The following SLC44A5 variants were observed in gnomAD, a reference collection of about 807,000 sequenced individuals.
SLC44A5 encodes the protein choline transporter-like protein 5.
SLC44A5 carries 57 observed loss-of-function variants against 101.8 expected under a neutral mutation model. The observed-to-expected ratio is 0.56, with a 90% CI of 0.45 to 0.70. The LOEUF (loss-of-function observed/expected upper bound fraction) is 0.70, where lower values mean the gene tolerates loss of function less well. Ranked by LOEUF, SLC44A5 falls within the 30% of genes least tolerant of loss-of-function variation. The pLI, the probability that SLC44A5 is intolerant of heterozygous loss-of-function variation, is 0.00. For synonymous variants in SLC44A5, 281 were observed against 290.9 expected (o/e 0.97, Z 0.35); for missense variants, 737 against 853.1 (o/e 0.86, Z 1.70).
chr1:75,207,159 G>A (rs1202021589), intron 23 of SLC44A5, among the ~76,000 whole-genome samples: 4 of 152,114 alleles, frequency 2.6e-5, no homozygotes, highest in South Asian at 2.1e-4. Context: ...TCCATACTCC[G>A]ATGTTACAGA....
intron 6 of SLC44A5, among the ~76,000 whole-genome samples, chr1:75,259,502 C>A (rs575485202): frequency 1.5e-4 from 23 of 152,194 alleles, no homozygotes; most frequent in South Asian, 6.2e-4. Flanking sequence ...GAGAAATGAA[C>A]AAAGCCTCCA....
intron 12 of SLC44A5, among the ~76,000 whole-genome samples, chr1:75,229,085 C>A (rs1316899916): frequency 6.6e-6 from 1 of 151,742 alleles, no homozygotes; most frequent in Non-Finnish European, 1.5e-5. Flanking sequence ...GAATCATTCT[C>A]CTTCTTCTGT....
chr1:75,267,469 G>A (rs1342590573), intron 6 of SLC44A5, among the ~76,000 whole-genome samples: 1 of 151,988 alleles, frequency 6.6e-6, no homozygotes, highest in Non-Finnish European at 1.5e-5. Flanking sequence ...AACTTGCAAT[G>A]CACATAAACA....
intron 3 of SLC44A5, among the ~76,000 whole-genome samples, chr1:75,358,868 C>T (rs1659275552): frequency 6.6e-6 from 1 of 152,046 alleles, no homozygotes; most frequent in African/African-American, 2.4e-5. Context: ...GAAATTTAAC[C>T]TATTTTGAGA....
the SLC44A5 span, among the ~76,000 whole-genome samples, chr1:75,722,986 G>A: frequency 2.0e-5 from 3 of 152,208 alleles, no homozygotes; most frequent in South Asian, 6.2e-4. Flanking sequence ...TTAGGCCATA[G>A]CCTGTTTTCT....
chr1:75,495,361 A>G (rs1053875942), intron 2 of SLC44A5, among the ~76,000 whole-genome samples: 1 of 152,048 alleles, frequency 6.6e-6, no homozygotes, highest in East Asian at 1.9e-4. Flanking sequence ...AGGCTGAGGC[A>G]GGAGAATGGC....
chr1:75,400,029 G>A (rs1662376834), intron 2 of SLC44A5, among the ~76,000 whole-genome samples: 1 of 152,194 alleles, frequency 6.6e-6, no homozygotes, highest in Admixed American at 6.5e-5. Flanking sequence ...CATGTCCATA[G>A]CAGCAACGTG....
chr1:75,551,101 T>C (rs910538692), intron 1 of SLC44A5, among the ~76,000 whole-genome samples: 1 of 152,140 alleles, frequency 6.6e-6, no homozygotes, highest in Non-Finnish European at 1.5e-5. Context: ...ATCTTTGTTT[T>C]AATTACTATA....
chr1:75,385,919 A>G (rs1661304833), intron 3 of SLC44A5, among the ~76,000 whole-genome samples: 1 of 152,140 alleles, frequency 6.6e-6, no homozygotes, highest in African/African-American at 2.4e-5. Context: ...CAAATCAATA[A>G]ATGTAATCCA....
rs1394737 is a variant in SLC44A5 at position 75,252,229 on chromosome 1, C to G, written c.261-935G>C. ...AAACCATATCTTAAGAAACACAGCT[C>G]TAAATATTCAGGAAGAATGTTTCTT... On this transcript the variant is annotated intron_variant, in intron 6 of 23. Transcript: ENST00000370859. Among the ~76,000 whole-genome samples, 5 of 152,292 alleles carry G rather than the reference C, an allele frequency of 3.3e-5. No homozygotes were observed. The East Asian group carries it at 7.7e-4, about 24-fold the overall frequency.
chr1:75,222,052 C>T (rs642145), intron 14 of SLC44A5, among the ~76,000 whole-genome samples: 63,441 of 150,798 alleles, frequency 0.42, 13,844 homozygotes, highest in African/African-American at 0.5. Context: ...CTCTGCCTTC[C>T]GGTTCAAGTG....
At chr1:75,606,318 A>G (rs1390203546) in intron 1 of SLC44A5, among the ~76,000 whole-genome samples, 1 of 152,052 alleles carries the variant, frequency 6.6e-6, no homozygotes, top group African/African-American at 2.4e-5. Flanking sequence ...AAAAGAAGAT[A>G]AAAGAGAAAC....
chr1:75,644,608 C>A, the SLC44A5 span, among the ~76,000 whole-genome samples: 1 of 150,066 alleles, frequency 6.7e-6, no homozygotes. Flanking sequence ...AAAAGCCTAA[C>A]AAATTTATTC....
the SLC44A5 span, among the ~76,000 whole-genome samples, chr1:75,643,771 T>C: frequency 0.26 from 39,828 of 152,278 alleles, 6,486 homozygotes; most frequent in East Asian, 0.68. Flanking sequence ...TCCATCATGA[T>C]TGTGAGGCCT....
chr1:75,271,652 C>CT (rs1390430211), intron 6 of SLC44A5, among the ~76,000 whole-genome samples: 1 of 151,966 alleles, frequency 6.6e-6, no homozygotes, highest in Non-Finnish European at 1.5e-5. Flanking sequence ...TATTTCATTC[C>CT]TTTTTATGGC....
chr1:75,652,151 C>T, the SLC44A5 span, among the ~76,000 whole-genome samples: 4 of 152,166 alleles, frequency 2.6e-5, no homozygotes, highest in Non-Finnish European at 5.9e-5. Flanking sequence ...ACACACTGTA[C>T]ATGCAGCCCC....
the SLC44A5 span, among the ~76,000 whole-genome samples, chr1:75,693,630 A>G: frequency 6.6e-6 from 1 of 152,182 alleles, no homozygotes; most frequent in Non-Finnish European, 1.5e-5. Context: ...AAGCCTGATA[A>G]AAATGGTACG....
chr1:75,595,082 A>G (rs145692993), intron 1 of SLC44A5, among the ~76,000 whole-genome samples: 130 of 152,168 alleles, frequency 8.5e-4, no homozygotes, highest in Non-Finnish European at 1.4e-3. Flanking sequence ...GAAAATAATT[A>G]TATCAAAAGA....
chr1:75,392,790 G>T (rs1479369387), intron 3 of SLC44A5, among the ~76,000 whole-genome samples: 2 of 152,192 alleles, frequency 1.3e-5, no homozygotes, highest in African/African-American at 4.8e-5. Context: ...AAGAAACTGT[G>T]GTACATATAC....
Sources: allele counts gnomAD v4.1 joint callset (sites outside exome capture counted in the v4.1 genomes callset), GRCh38; gene constraint gnomAD v4.1.1; transcripts MANE v1.5; gene names NCBI Gene and HGNC (gene_info 2026-07-23, HGNC 2026-07-21).